The following U2SURP variants were observed in gnomAD, a reference collection of about 807,000 sequenced individuals.
U2SURP encodes U2 snRNP-associated SURP motif-containing protein.
U2SURP carries 9 observed loss-of-function variants against 144.9 expected under a neutral mutation model. The ratio of observed to expected loss-of-function variants is 0.06; its 90% CI spans 0.04 to 0.11. The LOEUF is 0.11. Among genes scored for constraint, U2SURP ranks in the 10% least tolerant of loss-of-function variants. U2SURP has a pLI of 1.00. For synonymous variants in U2SURP, 408 were observed against 396.8 expected, an observed-to-expected ratio of 1.03 and a Z score of -0.33; for missense variants, 724 against 1,226.7, an observed-to-expected ratio of 0.59 and a Z score of 6.12.
At chr3:143,053,559 T>A in intron 25 of U2SURP, 117 bp from the exon 26 acceptor site, 1 of 769,008 alleles carries the variant, frequency 1.3e-6, no homozygotes, top group Non-Finnish European at 2.0e-6. Flanking sequence ...AATAGTATTG[T>A]ACCTTAAGTA....
At chr3:143,038,851 A>T in intron 22 of U2SURP, 43 bp from the exon 23 acceptor site, 1 of 1,437,172 alleles carries the variant, frequency 7.0e-7, no homozygotes, top group South Asian at 1.4e-5. Context: ...AAAAAATGCT[A>T]GTTTACCTCG....
Position 143,037,223 on chromosome 3 carries a change from T to C in U2SURP, c.2109T>C (p.Leu703=). 1 of 1,612,682 alleles carries C rather than the reference T, an allele frequency of 6.2e-7. No homozygotes were observed. The highest frequency in any genetic ancestry group is 8.5e-7 in the Non-Finnish European group (1 of 1,179,280). ...ATGGTGCCCCCATCGAGGAAGAGCT[T>C]GATGGTGCACCTCTGGAAGATGTAG... ...DLDGAPIEEE[L]DGAPLEDVDG... The change falls in exon 21 of 28, where the codon CTT becomes CTC. Residue 703 remains leucine (L), a synonymous_variant. Transcript: ENST00000473835.
chr3:143,027,274 G>T, intron 14 of U2SURP, 21 bp downstream of exon 14: 2 of 1,580,772 alleles, frequency 1.3e-6, no homozygotes, highest in Non-Finnish European at 1.7e-6. Flanking sequence ...TTTAAAAATT[G>T]TGAAATATAT....
Position 143,035,969 on chromosome 3 carries a change from C to T in U2SURP, c.1942-13C>T. The stretch of plus-strand genomic sequence containing the variant: ...CAAAATAAAAGTTTGTTGTCTGTTT[C>T]CTGTTTCTTTAGCAACGGGTAATGA... On this transcript the variant is annotated splice_polypyrimidine_tract_variant and intron_variant, in intron 19 of 27. Transcript: ENST00000473835. The T allele has an allele frequency of 6.3e-7, 1 of 1,584,248 alleles. No individual in the cohort carries two copies. The highest frequency in any genetic ancestry group is 8.5e-7 in the Non-Finnish European group (1 of 1,170,526).
Position 143,060,249 on chromosome 3 carries a change from ATC to A in U2SURP, c.*3803_*3804del, listed in dbSNP as rs1359932178. ...ACTTCAACGGGTTCTTGTCTGTTAC[ATC>A]TCTGGTGATTTGAAATATCAGGAAA... is the stretch of plus-strand genomic sequence containing the variant. On this transcript the variant is annotated 3_prime_UTR_variant, in exon 28 of 28. Coordinates refer to ENST00000473835, the MANE Select transcript of U2SURP (RefSeq NM_001080415.2). 11 of 152,432 alleles carry A rather than the reference ATC, an allele frequency of 7.2e-5. No homozygotes were observed. Among genetic ancestry groups the A allele is most frequent in the Non-Finnish European group, 1.3e-4 (9 of 67,894 alleles). The allele number at this position is 152,432 out of a possible 1,614,324, so 9.4% of individuals were successfully genotyped here. A position where few individuals can be genotyped will look rare whatever the true frequency, so the allele number is the denominator to read the frequency against.
chr3:143,026,531 T>G (rs1477432701), intron 13 of U2SURP: 1 of 152,132 alleles, frequency 6.6e-6, no homozygotes, highest in Non-Finnish European at 1.5e-5. Flanking sequence ...TGAAGTGTGG[T>G]CCAAAGGGAT....
intron 10 of U2SURP, 34 bp downstream of exon 10, chr3:143,021,589 G>A: frequency 1.0e-5 from 16 of 1,560,236 alleles, no homozygotes; most frequent in Non-Finnish European, 1.4e-5. Flanking sequence ...TGATTGATAT[G>A]CTTTATGCTT....
intron 24 of U2SURP, among the ~76,000 whole-genome samples, chr3:143,045,196 C>T (rs1253935150): frequency 1.3e-5 from 2 of 151,838 alleles, no homozygotes; most frequent in African/African-American, 4.8e-5. Context: ...CGGTGAAACC[C>T]GGTCTCTACT....
chr3:143,001,643 G>C lies in U2SURP; in HGVS notation c.15G>C (p.Thr5=). 3.1e-6 allele frequency: 5 copies of C among 1,613,994 alleles called. No homozygotes were observed. The highest frequency in any genetic ancestry group is 3.4e-6 in the Non-Finnish European group (4 of 1,179,880). The change falls in exon 1 of 28, where the codon ACG becomes ACC. Residue 5 remains threonine, a synonymous_variant. Transcript: ENST00000473835. ...CAAAGCTCAAGATGGCGGACAAAAC[G>C]CCAGGCGGATCTCAGAAGGCCAGTT... The part of the protein sequence containing the change: MADK[T]PGGSQKASSK...
At chr3:143,038,041 C>A in intron 21 of U2SURP, 67 bp from the exon 22 acceptor site, 1 of 1,112,462 alleles carries the variant, frequency 9.0e-7, no homozygotes, top group Non-Finnish European at 1.3e-6. Context: ...ATGGTGAATA[C>A]CCATGAATGT....
At chr3:143,023,092 C>G (rs371802901) in intron 12 of U2SURP, 28 bp downstream of exon 12, 22 of 1,526,802 alleles carry the variant, frequency 1.4e-5, no homozygotes, top group Non-Finnish European at 2.0e-5. Context: ...CATAAGGCCG[C>G]ATCTAATTTG....
At chr3:143,021,603 G>C in intron 10 of U2SURP, 48 bp downstream of exon 10, 1 of 1,534,726 alleles carries the variant, frequency 6.5e-7, no homozygotes, top group East Asian at 2.3e-5. Flanking sequence ...TATGCTTTTG[G>C]AAGAAAGCTT....
chr3:143,036,440 AAT>A (rs1265747257), intron 20 of U2SURP, among the ~76,000 whole-genome samples: 1 of 152,198 alleles, frequency 6.6e-6, no homozygotes, highest in Non-Finnish European at 1.5e-5. Context: ...ATATAAGTAA[AAT>A]ATGTGCATGA....
chr3:143,035,702 A>G (rs1442858997), intron 19 of U2SURP, among the ~76,000 whole-genome samples: 1 of 152,168 alleles, frequency 6.6e-6, no homozygotes, highest in Non-Finnish European at 1.5e-5. Context: ...GCTCATGGGT[A>G]GTACTAATGG....
Position 143,028,583 on chromosome 3 carries a change from C to T in U2SURP, c.1547C>T (p.Ser516Leu), listed in dbSNP as rs556862400. The change falls in exon 16 of 28, where the codon TCA becomes TTA. Residue 516 changes from serine to leucine, a missense_variant. Around this residue, in one of 13 missense-constraint regions of U2SURP, gnomAD observed 66 missense variants for 95.0 expected, o/e 0.69. Coordinates refer to ENST00000473835, the MANE Select transcript of U2SURP (RefSeq NM_001080415.2). The part of the protein sequence containing the change: ...PPLNPYLHGM[S>L]EEQETEAFVE... ...TTAAATCCGTACTTGCATGGAATGT[C>T]AGAAGAGCAAGAAACAGAAGCTTTT... 5 of 1,603,634 alleles carry T rather than the reference C, an allele frequency of 3.1e-6. No homozygotes were observed. The South Asian group carries it at 5.7e-5, about 18-fold the overall frequency.
rs944231762 is a variant in U2SURP, at chr3:143,057,261, A to G, written c.*811A>G. Reference sequence around the variant, plus strand: ...TCTATTATGAAAGAAGTTTATTTGTAAAACAAATTTTCTAACAAGGTTTGG... The same window carrying G: ...TCTATTATGAAAGAAGTTTATTTGTGAAACAAATTTTCTAACAAGGTTTGG... On this transcript the variant is annotated 3_prime_UTR_variant, in exon 28 of 28. Transcript: ENST00000473835. 1.3e-5 allele frequency: 2 copies of G among 152,436 alleles called. No individual in the cohort carries two copies. The highest frequency in any genetic ancestry group is 4.8e-5 in the African/African-American group (2 of 41,442). The allele number at this position is 152,436 out of a possible 1,614,324, so 9.4% of individuals were successfully genotyped here.
chr3:143,024,145 G>C (rs1275627077), intron 13 of U2SURP, 127 bp downstream of exon 13: 1 of 807,246 alleles, frequency 1.2e-6, no homozygotes, highest in African/African-American at 1.7e-5. Context: ...AGTACTTTTT[G>C]CGGGGGGATG....
At chr3:143,031,423 GCCCTAACCTTCAGCTACCACCA>G (rs71153998) in intron 16 of U2SURP, among the ~76,000 whole-genome samples, 20,017 of 138,538 alleles carry the variant, frequency 0.14, 1,644 homozygotes, top group Non-Finnish European at 0.2. Context: ...AGCTACCACC[GCCCTAACCTTCAGCTACCACCA>G]CCCTAACCTT....
intron 24 of U2SURP, among the ~76,000 whole-genome samples, chr3:143,045,366 CAA>C (rs11356372): frequency 5.0e-3 from 376 of 75,420 alleles, no homozygotes; most frequent in African/African-American, 0.011. Flanking sequence ...GAGACGCCGT[CAA>C]AAAAAAAAAA....
Sources: allele counts gnomAD v4.1 joint callset (sites outside exome capture counted in the v4.1 genomes callset), GRCh38; gene constraint gnomAD v4.1.1; regional missense constraint gnomAD v4.1.1; transcripts MANE v1.5; gene names NCBI Gene and HGNC (gene_info 2026-07-23, HGNC 2026-07-21).